KDM4C: variants seen among roughly 807,000 people sequenced by gnomAD.
KDM4C encodes lysine demethylase 4C, also known as lysine-specific demethylase 4C.
A neutral mutation model predicts 129.3 loss-of-function variants in KDM4C; 81 were observed. The observed-to-expected ratio is 0.63, with a 90% CI of 0.52 to 0.75. KDM4C has a LOEUF of 0.75. Among genes scored for constraint, KDM4C ranks in the 30% least tolerant of loss-of-function variants. KDM4C has a pLI of 0.00. For missense variants in KDM4C, 1,457 were observed against 1,304.0 expected, an observed-to-expected ratio of 1.12 and a Z score of -1.81; for synonymous variants, 573 against 456.1, an observed-to-expected ratio of 1.26 and a Z score of -3.26.
chr9:7,011,858 T>C lies in KDM4C; in HGVS notation c.1947T>C (p.Thr649=), dbSNP rs769676497. 9 of 1,613,740 alleles carry C rather than the reference T, an allele frequency of 5.6e-6. No homozygotes were observed. The South Asian group carries it at 9.9e-5, about 18-fold the overall frequency. The change falls in exon 13 of 22, where the codon ACT becomes ACC. Residue 649 remains threonine, a synonymous_variant. Transcript: ENST00000381309. ...TGAAGCCACACTGTGCCATCTGCAC[T>C]CTGCTCATGCCGTACCACAAGGTAA... The part of the protein sequence containing the change: ...ARMKPHCAIC[T]LLMPYHKPDS...
chr9:6,855,151 T>G (rs909435975), intron 5 of KDM4C, among the ~76,000 whole-genome samples: 1 of 152,196 alleles, frequency 6.6e-6, no homozygotes, highest in African/African-American at 2.4e-5. Flanking sequence ...TAAATTTGTA[T>G]TAATAAGTGT....
At chr9:6,726,247 A>C (rs1817123997) in intron 1 of KDM4C, among the ~76,000 whole-genome samples, 1 of 152,202 alleles carries the variant, frequency 6.6e-6, no homozygotes, top group Admixed American at 6.5e-5. Flanking sequence ...AAAACTGGTC[A>C]GCCCCTCAAA....
At chr9:7,056,476 T>A (rs779945064) in intron 17 of KDM4C, among the ~76,000 whole-genome samples, 1 of 152,212 alleles carries the variant, frequency 6.6e-6, no homozygotes, top group Non-Finnish European at 1.5e-5. Context: ...ATAAAATCTT[T>A]TGAGTAAAAT....
chr9:6,725,711 CTTT>C (rs201307657), intron 1 of KDM4C, among the ~76,000 whole-genome samples: 5 of 86,454 alleles, frequency 5.8e-5, no homozygotes, highest in Non-Finnish European at 7.2e-5. Context: ...CTTTTCTTTT[CTTT>C]TTTTTTTTTT....
At chr9:6,958,580 C>G (rs1829491145) in intron 8 of KDM4C, among the ~76,000 whole-genome samples, 2 of 150,270 alleles carry the variant, frequency 1.3e-5, no homozygotes, top group African/African-American at 4.9e-5. Context: ...GAGCAAGACT[C>G]TGTCTGAAAA....
At chr9:6,839,113 C>T (rs1836418873) in intron 4 of KDM4C, among the ~76,000 whole-genome samples, 1 of 152,162 alleles carries the variant, frequency 6.6e-6, no homozygotes, top group African/African-American at 2.4e-5. Context: ...AAGTTGCCAG[C>T]ACAGTAGTGG....
chr9:6,779,032 C>CTTTTT lies in KDM4C; in HGVS notation c.-17-13930_-17-13926dup, dbSNP rs60503128. ...CTACCTCACCAGGCCTGATTAAAGT[C>CTTTTT]TTTTTTTTTTTTTTGAGATGGAGTC... On this transcript the variant is annotated intron_variant, in intron 1 of 21. Transcript: ENST00000381309. 2.2e-3 allele frequency among the ~76,000 whole-genome samples: 206 copies of CTTTTT among 94,618 alleles called. 16 individuals carry two copies. Among genetic ancestry groups the CTTTTT allele is most frequent in the African/African-American group, 0.01 (197 of 19,390 alleles). 62.1% of individuals were successfully genotyped at this position (94,618 alleles called of 152,430 possible).
chr9:6,879,951 C>T, intron 5 of KDM4C, 61 bp from the exon 6 acceptor site: 3 of 786,860 alleles, frequency 3.8e-6, no homozygotes, highest in Non-Finnish European at 6.3e-6. Flanking sequence ...GAATAGATGT[C>T]CTTAGGCTAC....
intron 1 of KDM4C, among the ~76,000 whole-genome samples, chr9:6,746,700 CAAAACCTCGTCTCT>C (rs904231489): frequency 1.4e-5 from 2 of 144,252 alleles, no homozygotes; most frequent in African/African-American, 5.1e-5. Flanking sequence ...GGCAACATGG[CAAAACCTCGTCTCT>C]AAGAAAAAAA....
At chr9:7,028,217 T>C (rs1282855614) in intron 15 of KDM4C, among the ~76,000 whole-genome samples, 1 of 152,004 alleles carries the variant, frequency 6.6e-6, no homozygotes. Flanking sequence ...AGTTAGCAAG[T>C]CTCGGAGTCT....
At chr9:6,985,765 C>T (rs1171311581) in intron 10 of KDM4C, among the ~76,000 whole-genome samples, 1 of 152,064 alleles carries the variant, frequency 6.6e-6, no homozygotes, top group Non-Finnish European at 1.5e-5. Flanking sequence ...ATCATAGCTC[C>T]CTGCAACCTC....
At chr9:6,986,895 A>G in intron 11 of KDM4C, 1 of 432,292 alleles carries the variant, frequency 2.3e-6, no homozygotes, top group Non-Finnish European at 4.1e-6. Context: ...TCGATGCTTG[A>G]TTTTCTTTTT....
chr9:7,162,829 G>A (rs547409158), intron 19 of KDM4C, among the ~76,000 whole-genome samples: 14 of 152,178 alleles, frequency 9.2e-5, no homozygotes, highest in Admixed American at 7.8e-4. Flanking sequence ...TATTTCCTGA[G>A]GCGTTGACTT....
chr9:6,752,282 G>C (rs1172805250), intron 1 of KDM4C, among the ~76,000 whole-genome samples: 1 of 120,478 alleles, frequency 8.3e-6, no homozygotes, highest in African/African-American at 3.3e-5. Context: ...GCAGTGAGTC[G>C]AGATCGCGCC....
chr9:7,040,404 T>TGTGC (rs1458735340), intron 15 of KDM4C, among the ~76,000 whole-genome samples: 63 of 145,824 alleles, frequency 4.3e-4, no homozygotes, highest in Middle Eastern at 3.4e-3. Flanking sequence ...TGTGTGTGTG[T>TGTGC]GCGTGTGTAT....
At chr9:7,159,266 G>A (rs1843521224) in intron 19 of KDM4C, among the ~76,000 whole-genome samples, 1 of 152,154 alleles carries the variant, frequency 6.6e-6, no homozygotes, top group African/African-American at 2.4e-5. Flanking sequence ...GCACACTGAT[G>A]GGTCTTGATT....
chr9:6,757,947 G>C, upstream of KDM4C: 1 of 985,424 alleles, frequency 1.0e-6, no homozygotes, highest in Non-Finnish European at 1.2e-6. Context: ...GCGGTCACGT[G>C]ACGGCGCGCG....
chr9:6,996,675 G>A (rs369819255), intron 12 of KDM4C, among the ~76,000 whole-genome samples: 5 of 152,220 alleles, frequency 3.3e-5, no homozygotes, highest in African/African-American at 9.6e-5. Flanking sequence ...TCTGCTCAGC[G>A]ATTCCCACCA....
intron 4 of KDM4C, among the ~76,000 whole-genome samples, chr9:6,847,923 G>T (rs764785977): frequency 6.6e-6 from 1 of 152,170 alleles, no homozygotes; most frequent in Non-Finnish European, 1.5e-5. Flanking sequence ...ATCATTTAAA[G>T]ACCAAAATGA....
Sources: allele counts gnomAD v4.1 joint callset (sites outside exome capture counted in the v4.1 genomes callset), GRCh38; gene constraint gnomAD v4.1.1; transcripts MANE v1.5; gene names NCBI Gene and HGNC (gene_info 2026-07-23, HGNC 2026-07-21).